Variants in MLLT6 observed in about 807,000 individuals in gnomAD.
MLLT6 encodes protein AF-17.
Under a neutral mutation model 103.0 loss-of-function variants are expected in MLLT6, and 22 were observed. The ratio of observed to expected loss-of-function variants is 0.21; its 90% CI spans 0.15 to 0.31. The LOEUF (loss-of-function observed/expected upper bound fraction) is 0.31, where lower values mean the gene tolerates loss of function less well. Ranked by LOEUF, MLLT6 falls within the 10% of genes least tolerant of loss-of-function variation. The probability of loss-of-function intolerance (pLI) is 1.00; values close to 1 mark genes in which losing one functional copy is unlikely to be tolerated. For synonymous variants in MLLT6, 606 were observed against 623.5 expected (o/e 0.97, Z 0.42); for missense variants, 1,199 against 1,441.7 (o/e 0.83, Z 2.73).
At chr17:38,717,231 C>T (rs1420907260) in intron 10 of MLLT6, among the ~76,000 whole-genome samples, 2 of 152,118 alleles carry the variant, frequency 1.3e-5, no homozygotes, top group Non-Finnish European at 2.9e-5. Flanking sequence ...TAGCCCTCGG[C>T]AGGGCAGTTT....
Position 38,727,092 on chromosome 17 carries a change from G to T in MLLT6, c.*1494G>T, listed in dbSNP as rs1481901989. 2.1e-5 allele frequency: 5 copies of T among 232,830 alleles called. No homozygotes were observed. Among genetic ancestry groups the T allele is most frequent in the East Asian group, 1.8e-4 (3 of 16,564 alleles). The allele number at this position is 232,830 out of a possible 1,614,324, so 14.4% of individuals were successfully genotyped here. ...CCTTGTCAGTCTCTTTGCATGTGTG[G>T]ATTTTTCTGTGTGTGTTTCTGTTTG... is the stretch of plus-strand genomic sequence containing the variant. On this transcript the variant is annotated 3_prime_UTR_variant, in exon 20 of 20. Coordinates refer to ENST00000621332, the MANE Select transcript of MLLT6 (RefSeq NM_005937.4).
rs1906090943 is a variant in MLLT6, at chr17:38,727,248, T to C, written c.*1650T>C. ...CTCAACTGTTTTTTTTTTCTGATAC[T>C]GAAAATAATATTAATATTCCTGTTG... On this transcript the variant is annotated 3_prime_UTR_variant, in exon 20 of 20. Transcript: ENST00000621332. The C allele has an allele frequency of 4.3e-6, 1 of 231,624 alleles. No individual in the cohort carries two copies. 14.3% of individuals were successfully genotyped at this position (231,624 alleles called of 1,614,324 possible).
rs573522883 is a variant in MLLT6, at chr17:38,706,892, C to T, written c.110-58C>T. 1,273 of 1,467,464 alleles carry T rather than the reference C, an allele frequency of 8.7e-4. 2 individuals are homozygous for T. The highest frequency in any genetic ancestry group is 1.1e-3 in the Non-Finnish European group (1,201 of 1,060,812). The allele number at this position is 1,467,464 out of a possible 1,614,324, so 90.9% of individuals were successfully genotyped here. On this transcript the variant is annotated intron_variant, in intron 1 of 19. Coordinates refer to ENST00000621332, the MANE Select transcript of MLLT6 (RefSeq NM_005937.4). ...GGAGTCACCGCCTTCCCCCAGTTAC[C>T]CTGGGAAAAAGCCACTGGCTGACAG...
intron 17 of MLLT6, 44 bp from the exon 18 acceptor site, chr17:38,722,634 T>TGGGGGGGGGGGGGGGGGGGGGGGGG: frequency 1.9e-6 from 1 of 532,162 alleles, no homozygotes; most frequent in Non-Finnish European, 3.6e-6. Context: ...CCCTCCCCCA[T>TGGGGGGGGGGGGGGGGGGGGGGGGG]GGTCTGTGTG....
chr17:38,718,319 G>C, intron 12 of MLLT6: 1 of 209,088 alleles, frequency 4.8e-6, no homozygotes, highest in Non-Finnish European at 9.6e-6. Context: ...AGGTTGCAGT[G>C]AGCCGAGATC....
At chr17:38,715,478 G>A (rs1460529699) in intron 8 of MLLT6, 134 bp from the exon 9 acceptor site, 33 of 1,407,114 alleles carry the variant, frequency 2.3e-5, no homozygotes, top group African/African-American at 5.8e-5. Flanking sequence ...CTCCCTGCCC[G>A]GAAGTCCTTC....
intron 10 of MLLT6, 130 bp from the exon 11 acceptor site, chr17:38,717,302 G>A: frequency 2.5e-6 from 2 of 797,428 alleles, no homozygotes; most frequent in Non-Finnish European, 2.0e-6. Flanking sequence ...TGCAGCAAGA[G>A]GGTTAGACTG....
chr17:38,709,400 C>T lies in MLLT6; in HGVS notation c.459-82C>T, dbSNP rs1905064020. The T allele has an allele frequency of 6.9e-7, 1 of 1,443,196 alleles. No homozygotes were observed. Among genetic ancestry groups the T allele is most frequent in the Non-Finnish European group, 9.8e-7 (1 of 1,024,206 alleles). The allele number at this position is 1,443,196 out of a possible 1,614,324, so 89.4% of individuals were successfully genotyped here. On this transcript the variant is annotated intron_variant, in intron 5 of 19. Transcript: ENST00000621332. This position sits in a 1 kb window ranked among gnomAD's most constrained non-coding sequence, Gnocchi z 4.3. ...GCTTTGGATGGTCTTGGCTTCGCCT[C>T]AGCAGGGGGCCAGGAGGGTGAGAGG... is the stretch of plus-strand genomic sequence containing the variant.
At chr17:38,720,775 AG>A (rs1567929830) in intron 16 of MLLT6, 28 bp downstream of exon 16, 1 of 1,600,286 alleles carries the variant, frequency 6.2e-7, no homozygotes, top group Non-Finnish European at 8.6e-7. Context: ...TGGGGCAGGA[AG>A]GAGGGGGAGA....
Position 38,712,756 on chromosome 17 carries a change from C to A in MLLT6, c.786C>A (p.Ile262=). 1 of 1,613,892 alleles carries A rather than the reference C, an allele frequency of 6.2e-7. No individual in the cohort carries two copies. Among genetic ancestry groups the A allele is most frequent in the Non-Finnish European group, 8.5e-7 (1 of 1,179,812 alleles). ...AGCGGCCTGAGTCGCCCCCCAGCAT[C>A]CTCACCCCGCCCGTGGTCCCCACTG... The part of the protein sequence containing the change: ...HKKRPESPPS[I]LTPPVVPTAD... The change falls in exon 8 of 20, where the codon ATC becomes ATA. Residue 262 remains isoleucine (I), a synonymous_variant. Transcript: ENST00000621332.
At position 38,722,699 on chromosome 17, in the gene MLLT6, T is replaced by C. The variant is rs1279149253; in HGVS notation, c.2814T>C (p.His938=). The change falls in exon 18 of 20, where the codon CAT becomes CAC. Residue 938 remains histidine (H), a synonymous_variant. Transcript: ENST00000621332. ...CLNSLTEQQR[H]LLQQQEQQLQ... ...TCAGCCTTACAGAGCAGCAGAGACA[T>C]CTCCTTCAGCAGCAAGAGCAGCAGC... is the stretch of plus-strand genomic sequence containing the variant. 5 of 1,301,814 alleles carry C rather than the reference T, an allele frequency of 3.8e-6. No homozygotes were observed. The East Asian group carries it at 1.9e-4, about 48-fold the overall frequency. The allele number at this position is 1,301,814 out of a possible 1,614,324, so 80.6% of individuals were successfully genotyped here.
chr17:38,717,920 C>T lies in MLLT6; in HGVS notation c.1909C>T (p.Pro637Ser). The T allele has an allele frequency of 6.2e-7, 1 of 1,613,474 alleles. No individual in the cohort carries two copies. Among genetic ancestry groups the T allele is most frequent in the Non-Finnish European group, 8.5e-7 (1 of 1,179,404 alleles). ...TGGAACCCCCATGGGTGCCGTTAAT[C>T]CCCTCCTCTCCCAAGCTGAGAGCAG... ...IFGTPMGAVN[P>S]LLSQAESSHT... Residue 637 changes from proline (P) to serine (S), a missense_variant, in exon 12 of 20, where the codon CCC (proline) becomes TCC (serine). Coordinates refer to ENST00000621332, the MANE Select transcript of MLLT6 (RefSeq NM_005937.4).
intron 8 of MLLT6, chr17:38,713,926 G>T (rs1286061103): frequency 6.6e-6 from 1 of 152,288 alleles, no homozygotes; most frequent in African/African-American, 2.4e-5. Context: ...GGCAGTGCAG[G>T]GTGGCTCTCG....
rs753269161 is a variant in MLLT6, at chr17:38,712,765, G to A, written c.795G>A (p.Pro265=). The A allele has an allele frequency of 5.6e-6, 9 of 1,613,336 alleles. No homozygotes were observed. The highest frequency in any genetic ancestry group is 2.2e-5 in the East Asian group (1 of 44,872). The change falls in exon 8 of 20, where the codon CCG becomes CCA. Residue 265 remains proline, a synonymous_variant. Coordinates refer to ENST00000621332, the MANE Select transcript of MLLT6 (RefSeq NM_005937.4). ...AGTCGCCCCCCAGCATCCTCACCCC[G>A]CCCGTGGTCCCCACTGCTGACAAGG... ...RPESPPSILT[P]PVVPTADKVS...
rs376405819 is a variant in MLLT6, at chr17:38,716,305, G to A, written c.1037-62G>A. The A allele has an allele frequency of 3.9e-4, 604 of 1,529,912 alleles. 3 individuals are homozygous for A. The East Asian group carries it at 7.6e-3, about 19-fold the overall frequency. 94.8% of individuals were successfully genotyped at this position (1,529,912 alleles called of 1,614,324 possible). A position where few individuals can be genotyped will look rare whatever the true frequency, so the allele number is the denominator to read the frequency against. ...AGAGCTCTCTCCCGCCAGTACACGCGGGAGTGGGAGGGAGTGCGGGGATCT... is the reference window on the plus strand; with the variant it reads ...AGAGCTCTCTCCCGCCAGTACACGCAGGAGTGGGAGGGAGTGCGGGGATCT... On this transcript the variant is annotated intron_variant, in intron 9 of 19. Coordinates refer to ENST00000621332, the MANE Select transcript of MLLT6 (RefSeq NM_005937.4). This position sits in a 1 kb window ranked among gnomAD's most constrained non-coding sequence, Gnocchi z 5.6.
In MLLT6 at chr17:38,728,182, C is replaced by T. The variant is rs1040418345; in HGVS notation, c.*2584C>T. Reference sequence around the variant, plus strand: ...CGGGTGCAGCCCTCTTCTCCTCTTCCCCCCCACATCTCTCATGAGAGAGGT... The same window carrying T: ...CGGGTGCAGCCCTCTTCTCCTCTTCTCCCCCACATCTCTCATGAGAGAGGT... On this transcript the variant is annotated 3_prime_UTR_variant, in exon 20 of 20. Transcript: ENST00000621332. 1 of 233,318 alleles carries T rather than the reference C, an allele frequency of 4.3e-6. No homozygotes were observed. The highest frequency in any genetic ancestry group is 8.5e-6 in the Non-Finnish European group (1 of 118,098). 14.5% of individuals were successfully genotyped at this position (233,318 alleles called of 1,614,324 possible).
chr17:38,718,019 G>T, intron 12 of MLLT6, 66 bp downstream of exon 12: 1 of 1,136,594 alleles, frequency 8.8e-7, no homozygotes, highest in Non-Finnish European at 1.3e-6. Context: ...ACCTGCATGT[G>T]ACCCCAGAAA....
rs756295011 is a variant in MLLT6, at chr17:38,725,547, C to G, written c.3241-10C>G. The G allele has an allele frequency of 6.2e-7, 1 of 1,607,774 alleles. No individual in the cohort carries two copies. The highest frequency in any genetic ancestry group is 1.1e-5 in the South Asian group (1 of 90,516). ...TTCCACACCCCCGGCCTCCCTCCCT[C>G]TCTTTCCAGACCGCTGACAAAGGAG... On this transcript the variant is annotated splice_polypyrimidine_tract_variant and intron_variant, in intron 19 of 19. Transcript: ENST00000621332.
At position 38,729,778 on chromosome 17, in the gene MLLT6, C is replaced by CAAAAAAAAAA. The variant is rs879210230; in HGVS notation, c.*4188_*4197dup. On this transcript the variant is annotated 3_prime_UTR_variant, in exon 20 of 20. Transcript: ENST00000621332. ...GTTCTTTTAATAAAAGAATGTTTTG[C>CAAAAAAAAAA]AAAAAAAAAAAAAAAAATCCGAAGA... The CAAAAAAAAAA allele has an allele frequency of 1.1e-3, 132 of 115,546 alleles. No individual in the cohort carries two copies. The highest frequency in any genetic ancestry group is 4.7e-3 in the African/African-American group (126 of 27,068). The allele number at this position is 115,546 out of a possible 1,614,324, so 7.2% of individuals were successfully genotyped here.
Sources: allele counts gnomAD v4.1 joint callset (sites outside exome capture counted in the v4.1 genomes callset), GRCh38; gene constraint gnomAD v4.1.1; non-coding constraint Gnocchi (gnomAD v3.1); transcripts MANE v1.5; gene names NCBI Gene and HGNC (gene_info 2026-07-23, HGNC 2026-07-21).